ZNF385B: variants seen among roughly 807,000 people sequenced by gnomAD.
The protein encoded by ZNF385B is zinc finger protein 533.
In ZNF385B, 23 loss-of-function variants were observed where a neutral mutation model predicts 39.2. The ratio of observed to expected loss-of-function variants is 0.59; its 90% confidence interval spans 0.42 to 0.83. The LOEUF (loss-of-function observed/expected upper bound fraction) is 0.83. Ranked by LOEUF, ZNF385B falls within the 40% of genes least tolerant of loss-of-function variation. The pLI is 0.00. For missense variants in ZNF385B, 552 were observed against 598.9 expected (o/e 0.92, Z 0.82); for synonymous variants, 205 against 222.6 (o/e 0.92, Z 0.70).
intron 3 of ZNF385B, among the ~76,000 whole-genome samples, chr2:179,672,326 G>A (rs1696128822): frequency 6.6e-6 from 1 of 152,170 alleles, no homozygotes; most frequent in African/African-American, 2.4e-5. Context: ...ACAGCTGAAG[G>A]GGAATTTGCC....
At chr2:179,675,254 G>T (rs879588915) in intron 3 of ZNF385B, among the ~76,000 whole-genome samples, 1 of 152,190 alleles carries the variant, frequency 6.6e-6, no homozygotes, top group Non-Finnish European at 1.5e-5. Flanking sequence ...AGTAGAAGTG[G>T]ATCATCATAT....
intron 1 of ZNF385B, among the ~76,000 whole-genome samples, chr2:179,798,622 A>T (rs1294325708): frequency 6.6e-6 from 1 of 152,050 alleles, no homozygotes; most frequent in African/African-American, 2.4e-5. Context: ...CAGGATCACA[A>T]TATGATTACT....
chr2:179,704,316 G>T (rs868830939), intron 3 of ZNF385B, among the ~76,000 whole-genome samples: 1 of 152,118 alleles, frequency 6.6e-6, no homozygotes, highest in African/African-American at 2.4e-5. Context: ...AAATGTATCT[G>T]CATAGAGAAA....
chr2:179,819,793 T>A (rs1205915137), intron 1 of ZNF385B, among the ~76,000 whole-genome samples: 1 of 152,176 alleles, frequency 6.6e-6, no homozygotes, highest in Non-Finnish European at 1.5e-5. Flanking sequence ...ACAGCAGCCA[T>A]GTTGTCAAAT....
chr2:179,579,536 A>G (rs1686240261), intron 3 of ZNF385B, among the ~76,000 whole-genome samples: 2 of 152,156 alleles, frequency 1.3e-5, no homozygotes, highest in African/African-American at 4.8e-5. Context: ...ATGAATATAT[A>G]CATGAATAAA....
At chr2:179,848,258 T>A (rs12328338) in intron 1 of ZNF385B, among the ~76,000 whole-genome samples, 3 of 151,924 alleles carry the variant, frequency 2.0e-5, no homozygotes, top group African/African-American at 7.3e-5. Flanking sequence ...AAATTTTACA[T>A]CCAGGGACAG....
intron 3 of ZNF385B, among the ~76,000 whole-genome samples, chr2:179,621,467 C>A (rs116063050): frequency 0.018 from 2,728 of 152,268 alleles, 41 homozygotes; most frequent in Admixed American, 0.033. Context: ...GAAGAGGGAG[C>A]CGTGATTTGT....
In ZNF385B at chr2:179,556,048, T is replaced by C. The variant is rs191347406; in HGVS notation, c.299-11079A>G. On this transcript the variant is annotated intron_variant, in intron 3 of 9. Transcript: ENST00000410066. ...CAATGTCCTTTGGGTTTTGTAGTAA[T>C]ACACCAGCTTTTACACAAAACGATG... is the stretch of plus-strand genomic sequence containing the variant. 5.9e-4 allele frequency among the ~76,000 whole-genome samples: 88 copies of C among 149,386 alleles called. 5 individuals carry two copies. The highest frequency in any genetic ancestry group is 5.8e-3 in the Admixed American group (87 of 15,036).
At chr2:179,618,115 G>A (rs551829796) in intron 3 of ZNF385B, among the ~76,000 whole-genome samples, 1 of 152,124 alleles carries the variant, frequency 6.6e-6, no homozygotes, top group Admixed American at 6.5e-5. Context: ...CTGTTTCAGG[G>A]ACCAAGAAAA....
In ZNF385B at chr2:179,453,770, C is replaced by A. The variant is rs1024874356; in HGVS notation, c.716-7000G>T. On this transcript the variant is annotated intron_variant, in intron 6 of 9. Transcript: ENST00000410066. ...ACGTAAGAAGTCTGATCACTAGGAC[C>A]TTGGCAGCAAGAGGCTGAAGTGTGG... 3.9e-5 allele frequency among the ~76,000 whole-genome samples: 6 copies of A among 152,090 alleles called. No homozygotes were observed. In the East Asian group the frequency reaches 1.2e-3, roughly 29 times the overall value.
intron 1 of ZNF385B, among the ~76,000 whole-genome samples, chr2:179,830,982 C>T (rs561745772): frequency 6.6e-6 from 1 of 152,282 alleles, no homozygotes; most frequent in African/African-American, 2.4e-5. Context: ...ACTCTCTATA[C>T]TTTCTGCTCA....
At chr2:179,817,449 A>G (rs1707135070) in intron 1 of ZNF385B, among the ~76,000 whole-genome samples, 1 of 152,266 alleles carries the variant, frequency 6.6e-6, no homozygotes, top group Admixed American at 6.5e-5. Context: ...CTTAAACTAC[A>G]TGCAAATAAT....
intron 3 of ZNF385B, among the ~76,000 whole-genome samples, chr2:179,752,007 A>T (rs1247463471): frequency 2.0e-5 from 3 of 152,128 alleles, no homozygotes; most frequent in Non-Finnish European, 4.4e-5. Flanking sequence ...ACATATGTAT[A>T]CATGTGCCAT....
At chr2:179,683,355 A>G (rs531575074) in intron 3 of ZNF385B, among the ~76,000 whole-genome samples, 188 of 152,046 alleles carry the variant, frequency 1.2e-3, no homozygotes, top group African/African-American at 4.3e-3. Context: ...ATGGCACTGC[A>G]CTCCAGCCTG....
chr2:179,854,376 T>C (rs1221922388), intron 1 of ZNF385B, among the ~76,000 whole-genome samples: 3 of 152,302 alleles, frequency 2.0e-5, no homozygotes, highest in Non-Finnish European at 4.4e-5. Context: ...AGATCTCTTT[T>C]AACTCTAAAC....
chr2:179,636,372 C>G (rs1163370309), intron 3 of ZNF385B, among the ~76,000 whole-genome samples: 1 of 152,158 alleles, frequency 6.6e-6, no homozygotes, highest in Admixed American at 6.5e-5. Flanking sequence ...GAAGTGACTG[C>G]AGAATTTATG....
chr2:179,751,429 TA>T (rs1385147418), intron 3 of ZNF385B, among the ~76,000 whole-genome samples: 2 of 152,172 alleles, frequency 1.3e-5, no homozygotes, highest in Non-Finnish European at 2.9e-5. Context: ...GTTTAATTTT[TA>T]AAGTTCTTCA....
intron 1 of ZNF385B, among the ~76,000 whole-genome samples, chr2:179,835,794 G>A (rs148697546): frequency 0.022 from 3,316 of 152,016 alleles, 53 homozygotes; most frequent in Non-Finnish European, 0.035. Flanking sequence ...CACTCTCTTG[G>A]CAGGCTTTCT....
At chr2:179,457,474 C>T (rs919643459) in intron 6 of ZNF385B, among the ~76,000 whole-genome samples, 1 of 151,936 alleles carries the variant, frequency 6.6e-6, no homozygotes, top group Non-Finnish European at 1.5e-5. Context: ...ACTGATTGTA[C>T]CAATATATAT....
Sources: allele counts gnomAD v4.1 joint callset (sites outside exome capture counted in the v4.1 genomes callset), GRCh38; gene constraint gnomAD v4.1.1; transcripts MANE v1.5; gene names NCBI Gene and HGNC (gene_info 2026-07-23, HGNC 2026-07-21).